The following PFKFB3 variants were observed in gnomAD, a reference collection of about 807,000 sequenced individuals.
PFKFB3 encodes the protein 6-phosphofructo-2-kinase/fructose-2,6-biphosphatase 3, also known as 6-phosphofructo-2-kinase/fructose-2,6-bisphosphatase 3.
Under a neutral mutation model 68.0 loss-of-function variants are expected in PFKFB3, and 33 were observed. That is an observed-to-expected ratio of 0.49 (90% CI 0.37 to 0.65). PFKFB3 has a LOEUF of 0.65. Among genes scored for constraint, PFKFB3 ranks in the 30% least tolerant of loss-of-function variants. The pLI, the probability that PFKFB3 is intolerant of heterozygous loss-of-function variation, is 0.00. For missense variants in PFKFB3, 586 were observed against 712.2 expected, an observed-to-expected ratio of 0.82 and a Z score of 2.02; for synonymous variants, 315 against 288.2, an observed-to-expected ratio of 1.09 and a Z score of -0.94.
intron 1 of PFKFB3, among the ~76,000 whole-genome samples, chr10:6,208,757 A>G (rs1186930670): frequency 6.6e-6 from 1 of 152,152 alleles, no homozygotes; most frequent in Non-Finnish European, 1.5e-5. Flanking sequence ...GGAGAGCAGG[A>G]GTAGGAACCC....
the PFKFB3 span, among the ~76,000 whole-genome samples, chr10:6,286,222 C>T: frequency 1.3e-5 from 2 of 152,114 alleles, no homozygotes; most frequent in Non-Finnish European, 2.9e-5. Flanking sequence ...TGTGATCTGC[C>T]CACCTCGGCC....
At chr10:6,177,438 C>CTCTCTCTCTCTTTCTTTCTTTCTT (rs755279276) in intron 1 of PFKFB3, among the ~76,000 whole-genome samples, 5 of 86,630 alleles carry the variant, frequency 5.8e-5, no homozygotes, top group African/African-American at 2.1e-4. Flanking sequence ...TCTTTTCTTT[C>CTCTCTCTCTCTTTCTTTCTTTCTT]TCTTTCTTTC....
chr10:6,182,025 G>T (rs898900985), intron 1 of PFKFB3, among the ~76,000 whole-genome samples: 3 of 152,046 alleles, frequency 2.0e-5, no homozygotes, highest in African/African-American at 7.2e-5. Flanking sequence ...TGTGCTTACT[G>T]CCCTGAACTG....
intron 8 of PFKFB3, among the ~76,000 whole-genome samples, chr10:6,221,085 TTGTG>T (rs376494618): frequency 2.6e-5 from 4 of 151,850 alleles, no homozygotes; most frequent in African/African-American, 7.3e-5. Context: ...CCATGTGGCT[TTGTG>T]TGTGTGTGTC....
intron 1 of PFKFB3, among the ~76,000 whole-genome samples, chr10:6,160,924 A>AT (rs1564589397): frequency 1.3e-5 from 2 of 151,868 alleles, no homozygotes; most frequent in African/African-American, 2.4e-5. Flanking sequence ...CTTTTTTTAA[A>AT]TTTTTTTAAT....
intron 1 of PFKFB3, among the ~76,000 whole-genome samples, chr10:6,166,821 C>CTTTTTTTTTT (rs144747290): frequency 6.3e-5 from 6 of 95,266 alleles, no homozygotes; most frequent in African/African-American, 1.6e-4. Flanking sequence ...CCTTCTTCTT[C>CTTTTTTTTTT]TTTTTTTTTT....
chr10:6,206,504 G>A lies in PFKFB3; in HGVS notation c.76+3168G>A, dbSNP rs866181747. ...GACGGGGTGGTGGCCGGGCAGAGGG[G>A]CTCCTCACTTCCCAGTAGGGGCGGC... On this transcript the variant is annotated intron_variant, in intron 1 of 14. Transcript: ENST00000379775. Among the ~76,000 whole-genome samples the A allele has an allele frequency of 4.0e-5, 4 of 99,496 alleles. 1 individual carries two copies. The highest frequency in any genetic ancestry group is 9.0e-3 in the Middle Eastern group (2 of 222). 65.3% of individuals were successfully genotyped at this position (99,496 alleles called of 152,430 possible). A position where few individuals can be genotyped will look rare whatever the true frequency, so the allele number is the denominator to read the frequency against.
chr10:6,242,690 C>T (rs1846167220), intron 14 of PFKFB3, among the ~76,000 whole-genome samples: 2 of 152,004 alleles, frequency 1.3e-5, no homozygotes, highest in African/African-American at 4.8e-5. Flanking sequence ...TGAGTTCAAG[C>T]GACTCTCCTG....
At chr10:6,299,498 C>T in the PFKFB3 span, among the ~76,000 whole-genome samples, 11 of 152,146 alleles carry the variant, frequency 7.2e-5, no homozygotes, top group Non-Finnish European at 1.3e-4. Context: ...TCACAGGCTG[C>T]GGGAGGTGAA....
chr10:6,225,271 C>T (rs963704917), intron 13 of PFKFB3: 1 of 450,774 alleles, frequency 2.2e-6, no homozygotes, highest in African/African-American at 2.0e-5. Flanking sequence ...TCCCAGGAAG[C>T]TTGGCCTTCG....
chr10:6,199,363 T>C (rs181177529), upstream of PFKFB3, among the ~76,000 whole-genome samples: 15 of 152,244 alleles, frequency 9.9e-5, no homozygotes, highest in East Asian at 3.9e-4. Context: ...TTAGATGACA[T>C]TGGCTGGCAC....
At chr10:6,225,045 C>T in intron 13 of PFKFB3, 3 of 449,238 alleles carry the variant, frequency 6.7e-6, no homozygotes, top group South Asian at 4.7e-5. Context: ...CTGCTGTCTA[C>T]CTTGGGGGGA....
At chr10:6,179,412 A>G (rs1166216186) in intron 1 of PFKFB3, among the ~76,000 whole-genome samples, 1 of 152,254 alleles carries the variant, frequency 6.6e-6, no homozygotes. Context: ...TTTTGTGATC[A>G]TTAATCAGTT....
upstream of PFKFB3, among the ~76,000 whole-genome samples, chr10:6,200,659 C>CAGG (rs1843308075): frequency 1.5e-5 from 1 of 68,886 alleles, no homozygotes; most frequent in Admixed American, 1.3e-4. Context: ...ATGTAAGGAG[C>CAGG]GGGGGGGGGG....
the PFKFB3 span, among the ~76,000 whole-genome samples, chr10:6,302,789 T>C: frequency 2.0e-3 from 238 of 116,828 alleles, no homozygotes; most frequent in African/African-American, 5.9e-3. Context: ...CATATACACA[T>C]ACACATATAT....
chr10:6,248,166 G>C, intron 14 of PFKFB3, among the ~76,000 whole-genome samples: 1 of 152,158 alleles, frequency 6.6e-6, no homozygotes, highest in East Asian at 1.9e-4. Flanking sequence ...TTCTTTCACT[G>C]TTATTGTTGT....
At chr10:6,170,682 G>T (rs1842280296) in intron 1 of PFKFB3, among the ~76,000 whole-genome samples, 1 of 152,056 alleles carries the variant, frequency 6.6e-6, no homozygotes, top group Non-Finnish European at 1.5e-5. Flanking sequence ...TGGAGGTGAG[G>T]ACAGTATGGA....
In PFKFB3 at chr10:6,146,238, A is replaced by C. The variant is rs532699991; in HGVS notation, c.16+1225A>C. Reference sequence around the variant, plus strand: ...CTGCCTCTCTTCTCTCATAACTCAGAGGCACGGCCAGCGTGATGCTACGGT... The same window carrying C: ...CTGCCTCTCTTCTCTCATAACTCAGCGGCACGGCCAGCGTGATGCTACGGT... On this transcript the variant is annotated intron_variant, in intron 1 of 14. Transcript: ENST00000379789. 5 of 1,445,092 alleles carry C rather than the reference A, an allele frequency of 3.5e-6. No individual in the cohort carries two copies. In the East Asian group the frequency reaches 1.3e-4, roughly 36 times the overall value. 89.5% of individuals were successfully genotyped at this position (1,445,092 alleles called of 1,614,324 possible).
chr10:6,178,003 G>A (rs970755970), intron 1 of PFKFB3, among the ~76,000 whole-genome samples: 1 of 152,204 alleles, frequency 6.6e-6, no homozygotes, highest in Non-Finnish European at 1.5e-5. Flanking sequence ...CATGAGGGTG[G>A]CTGTCAAGAG....
Sources: allele counts gnomAD v4.1 joint callset (sites outside exome capture counted in the v4.1 genomes callset), GRCh38; gene constraint gnomAD v4.1.1; transcripts MANE v1.5; gene names NCBI Gene and HGNC (gene_info 2026-07-23, HGNC 2026-07-21).